Variants in NLGN1 observed in about 807,000 individuals in gnomAD.
The protein encoded by NLGN1 is neuroligin-1.
Under a neutral mutation model 65.5 loss-of-function variants are expected in NLGN1, and 12 were observed. The ratio of observed to expected loss-of-function variants is 0.18; its 90% CI spans 0.12 to 0.30. NLGN1 has a LOEUF of 0.30. Ranked by LOEUF, NLGN1 falls within the 10% of genes least tolerant of loss-of-function variation. NLGN1 has a pLI of 1.00. For synonymous variants in NLGN1, 350 were observed against 359.5 expected (o/e 0.97, Z 0.30); for missense variants, 750 against 1,007.1 (o/e 0.74, Z 3.46).
intron 2 of NLGN1, among the ~76,000 whole-genome samples, chr3:173,535,107 A>G (rs1208368375): frequency 2.6e-5 from 4 of 152,328 alleles, no homozygotes; most frequent in South Asian, 2.1e-4. Context: ...GATTAAAAAT[A>G]TAGAGTAAAG....
chr3:173,604,382 G>C (rs1017541609), exon 3 of NLGN1: 2 of 606,462 alleles, frequency 3.3e-6, no homozygotes, highest in African/African-American at 3.7e-5. Context: ...TGTTCAATAG[G>C]ATATGGTCTG....
At chr3:174,225,709 G>A (rs557812690) in intron 4 of NLGN1, among the ~76,000 whole-genome samples, 1 of 151,766 alleles carries the variant, frequency 6.6e-6, no homozygotes, top group South Asian at 2.1e-4. Flanking sequence ...CCAGCCTGGG[G>A]GACAGAGCGA....
At chr3:173,445,826 C>T (rs1465040379) in intron 2 of NLGN1, among the ~76,000 whole-genome samples, 1 of 152,158 alleles carries the variant, frequency 6.6e-6, no homozygotes, top group Non-Finnish European at 1.5e-5. Context: ...TTTAAGTTCA[C>T]ACTGACCAAC....
intron 2 of NLGN1, among the ~76,000 whole-genome samples, chr3:173,581,387 T>A (rs1746370770): frequency 6.6e-6 from 1 of 152,084 alleles, no homozygotes. Flanking sequence ...TTCTTTCATG[T>A]TGTAATTTCA....
chr3:174,128,616 T>A (rs1187498229), intron 4 of NLGN1, among the ~76,000 whole-genome samples: 1 of 152,174 alleles, frequency 6.6e-6, no homozygotes, highest in East Asian at 1.9e-4. Context: ...AGTTCTCATC[T>A]TTGTACATTT....
At chr3:174,013,705 T>C (rs527650197) in intron 4 of NLGN1, among the ~76,000 whole-genome samples, 1 of 152,266 alleles carries the variant, frequency 6.6e-6, no homozygotes, top group South Asian at 2.1e-4. Flanking sequence ...TTTCTTTTCT[T>C]TCAGTTTTTT....
chr3:174,067,198 C>T lies in NLGN1; in HGVS notation c.647-208117C>T, dbSNP rs533606178. On this transcript the variant is annotated intron_variant, in intron 4 of 6. Transcript: ENST00000457714. ...TGGCAAATCCTGATCATTTTTCTTC[C>T]GTTGCTGAGAGACTGAAATAAATTT... is the stretch of plus-strand genomic sequence containing the variant. Among the ~76,000 whole-genome samples the T allele has an allele frequency of 5.3e-5, 8 of 152,070 alleles. No homozygotes were observed. The South Asian group carries it at 1.7e-3, about 32-fold the overall frequency.
At chr3:174,001,076 A>C (rs1209015154) in intron 4 of NLGN1, among the ~76,000 whole-genome samples, 1 of 152,228 alleles carries the variant, frequency 6.6e-6, no homozygotes, top group Non-Finnish European at 1.5e-5. Flanking sequence ...GAAAGATTTA[A>C]TTGTACAGAG....
intron 3 of NLGN1, among the ~76,000 whole-genome samples, chr3:173,671,413 T>A (rs1158306778): frequency 4.6e-5 from 7 of 151,882 alleles, no homozygotes; most frequent in Non-Finnish European, 1.0e-4. Flanking sequence ...GCCCAGGAAG[T>A]TGAGGCAACA....
chr3:173,671,506 A>G (rs1762447402), intron 3 of NLGN1, among the ~76,000 whole-genome samples: 1 of 152,164 alleles, frequency 6.6e-6, no homozygotes, highest in Non-Finnish European at 1.5e-5. Flanking sequence ...TTACCTTAAC[A>G]TGGTTAACCA....
At chr3:174,204,523 G>A (rs1301014577) in intron 4 of NLGN1, among the ~76,000 whole-genome samples, 1 of 152,164 alleles carries the variant, frequency 6.6e-6, no homozygotes, top group East Asian at 1.9e-4. Context: ...GTCAGATTCT[G>A]TTGGTATTTG....
At chr3:173,771,015 T>C (rs895593432) in intron 3 of NLGN1, among the ~76,000 whole-genome samples, 5 of 152,182 alleles carry the variant, frequency 3.3e-5, no homozygotes, top group African/African-American at 7.2e-5. Context: ...CAGCGTTCTT[T>C]CACCTTTCAC....
chr3:173,727,776 A>C (rs1388832997), intron 3 of NLGN1, among the ~76,000 whole-genome samples: 1 of 152,112 alleles, frequency 6.6e-6, no homozygotes, highest in Non-Finnish European at 1.5e-5. Context: ...GTGACTTTTG[A>C]AATGAAGGCA....
intron 4 of NLGN1, among the ~76,000 whole-genome samples, chr3:173,962,884 A>G (rs910885058): frequency 2.0e-5 from 3 of 152,152 alleles, no homozygotes; most frequent in African/African-American, 7.2e-5. Context: ...TTAGTCTATA[A>G]TCTTTTCTTT....
intron 4 of NLGN1, among the ~76,000 whole-genome samples, chr3:174,108,593 G>C (rs1482098216): frequency 6.6e-6 from 1 of 152,070 alleles, no homozygotes; most frequent in Non-Finnish European, 1.5e-5. Context: ...CTCAATTCTG[G>C]ATAAAGCATT....
At chr3:174,075,592 G>A (rs564772870) in intron 4 of NLGN1, among the ~76,000 whole-genome samples, 1 of 152,206 alleles carries the variant, frequency 6.6e-6, no homozygotes, top group African/African-American at 2.4e-5. Context: ...AGCCAGATAG[G>A]CACAGACATT....
intron 2 of NLGN1, among the ~76,000 whole-genome samples, chr3:173,517,714 G>A (rs908992688): frequency 6.6e-6 from 1 of 152,008 alleles, no homozygotes; most frequent in East Asian, 1.9e-4. Context: ...ACAGTCAGCA[G>A]CATAATGCAC....
intron 4 of NLGN1, among the ~76,000 whole-genome samples, chr3:174,210,078 C>T (rs1319804671): frequency 6.6e-6 from 1 of 152,008 alleles, no homozygotes; most frequent in East Asian, 1.9e-4. Flanking sequence ...AAGTTCTTAC[C>T]CCAAATCATC....
intron 4 of NLGN1, among the ~76,000 whole-genome samples, chr3:173,815,127 CTT>C (rs879893098): frequency 7.7e-6 from 1 of 129,642 alleles, no homozygotes. Flanking sequence ...CTTCCTTTTT[CTT>C]TTTTTTTTTT....
Sources: allele counts gnomAD v4.1 joint callset (sites outside exome capture counted in the v4.1 genomes callset), GRCh38; gene constraint gnomAD v4.1.1; transcripts MANE v1.5; gene names NCBI Gene and HGNC (gene_info 2026-07-23, HGNC 2026-07-21).